The following KAZN variants were observed in gnomAD, a reference collection of about 807,000 sequenced individuals.
KAZN encodes the protein kazrin, periplakin interacting protein.
In KAZN, 40 loss-of-function variants were observed where a neutral mutation model predicts 87.4. The observed-to-expected ratio is 0.46, with a 90% confidence interval of 0.36 to 0.60. The LOEUF is 0.60. Among genes scored for constraint, KAZN ranks in the 20% least tolerant of loss-of-function variants. The pLI, the probability that KAZN is intolerant of heterozygous loss-of-function variation, is 0.00. For missense variants in KAZN, 898 were observed against 1,073.9 expected (o/e 0.84, Z 2.29); for synonymous variants, 466 against 458.3 (o/e 1.02, Z -0.22).
intron 2 of KAZN, among the ~76,000 whole-genome samples, chr1:14,518,320 A>G (rs541545055): frequency 6.6e-6 from 1 of 151,686 alleles, no homozygotes; most frequent in South Asian, 2.1e-4. Flanking sequence ...GGGACTACAA[A>G]TGCGCACCAC....
At chr1:14,416,453 G>A (rs566289048) in intron 2 of KAZN, among the ~76,000 whole-genome samples, 296 of 152,174 alleles carry the variant, frequency 1.9e-3, no homozygotes, top group Non-Finnish European at 2.6e-3. Flanking sequence ...AAATGAGTTG[G>A]TGGCTGGATG....
chr1:14,193,308 A>C (rs1232225999), intron 2 of KAZN, among the ~76,000 whole-genome samples: 2 of 152,138 alleles, frequency 1.3e-5, no homozygotes, highest in African/African-American at 2.4e-5. Flanking sequence ...TGTCTTTATA[A>C]AAAGGGGAAA....
chr1:14,994,725 T>G (rs1193762593), intron 2 of KAZN, among the ~76,000 whole-genome samples: 1 of 152,230 alleles, frequency 6.6e-6, no homozygotes, highest in African/African-American at 2.4e-5. Flanking sequence ...ATCCTGACTT[T>G]GGTGTGTAGC....
chr1:15,050,159 G>GAAATA (rs201481507), intron 4 of KAZN, among the ~76,000 whole-genome samples: 1 of 131,238 alleles, frequency 7.6e-6, no homozygotes, highest in African/African-American at 2.9e-5. Flanking sequence ...AGAATAGAAT[G>GAAATA]GAATAGAATA....
intron 1 of KAZN, among the ~76,000 whole-genome samples, chr1:14,606,777 CT>C (rs1210988067): frequency 1.3e-5 from 2 of 152,086 alleles, no homozygotes; most frequent in Admixed American, 1.3e-4. Context: ...GGGGGCTGTC[CT>C]GTGTGTTGTA....
At chr1:14,347,695 C>T (rs925273445) in intron 2 of KAZN, among the ~76,000 whole-genome samples, 1 of 151,868 alleles carries the variant, frequency 6.6e-6, no homozygotes, top group Non-Finnish European at 1.5e-5. Context: ...ATTATATATA[C>T]ATTATATGTT....
chr1:14,058,320 C>T (rs554690319), intron 1 of KAZN, among the ~76,000 whole-genome samples: 19 of 152,186 alleles, frequency 1.2e-4, no homozygotes, highest in African/African-American at 3.1e-4. Flanking sequence ...TCTGCTTCAC[C>T]GCTGAATCTA....
chr1:14,642,714 A>G (rs917821831), intron 1 of KAZN, among the ~76,000 whole-genome samples: 1 of 152,228 alleles, frequency 6.6e-6, no homozygotes, highest in African/African-American at 2.4e-5. Context: ...AGACAAAGAA[A>G]CGATAAATAT....
At chr1:14,759,956 A>G (rs543557532) in intron 1 of KAZN, among the ~76,000 whole-genome samples, 13 of 151,910 alleles carry the variant, frequency 8.6e-5, no homozygotes, top group Admixed American at 2.0e-4. Flanking sequence ...CGAGAACTTA[A>G]GTACCTGGGA....
chr1:14,967,625 AAG>A (rs1218693693), intron 2 of KAZN, among the ~76,000 whole-genome samples: 22 of 152,216 alleles, frequency 1.4e-4, no homozygotes, highest in African/African-American at 5.3e-4. Flanking sequence ...GGGGAGGCAC[AAG>A]AGAGAGTCAG....
intron 1 of KAZN, among the ~76,000 whole-genome samples, chr1:14,111,471 T>C (rs912506959): frequency 2.2e-5 from 3 of 135,322 alleles, no homozygotes; most frequent in Non-Finnish European, 4.8e-5. Flanking sequence ...GTGCACTGAG[T>C]ACTAACGTCA....
At chr1:14,302,065 G>T (rs1315027593) in intron 2 of KAZN, among the ~76,000 whole-genome samples, 1 of 152,174 alleles carries the variant, frequency 6.6e-6, no homozygotes, top group Non-Finnish European at 1.5e-5. Flanking sequence ...TTGGATACAT[G>T]ATGGGTACCT....
intron 1 of KAZN, among the ~76,000 whole-genome samples, chr1:14,918,058 T>C (rs1557618970): frequency 6.6e-6 from 1 of 152,008 alleles, no homozygotes; most frequent in Non-Finnish European, 1.5e-5. Flanking sequence ...TTTGTATTTT[T>C]AGTAGAGATG....
At chr1:14,243,711 T>C (rs1179841967) in intron 2 of KAZN, among the ~76,000 whole-genome samples, 1 of 152,224 alleles carries the variant, frequency 6.6e-6, no homozygotes, top group Non-Finnish European at 1.5e-5. Context: ...TGAAACAGTT[T>C]GCAAGCTGTT....
intron 2 of KAZN, among the ~76,000 whole-genome samples, chr1:14,295,396 T>C (rs1258629368): frequency 6.6e-6 from 1 of 152,078 alleles, no homozygotes; most frequent in Non-Finnish European, 1.5e-5. Context: ...AGCTTCTCCC[T>C]CTCATGCACA....
rs1002692788 is a variant in KAZN at position 15,106,413 on chromosome 1, C to CT, written c.2048+2230dup. On this transcript the variant is annotated intron_variant, in intron 13 of 14. Coordinates refer to ENST00000376030, the MANE Select transcript of KAZN (RefSeq NM_201628.3). ...CTGGAGCCACATGATCTGTAACAAA[C>CT]TTTTTTCTGAGCCCTGGAGAGATGG... Among the ~76,000 whole-genome samples the CT allele has an allele frequency of 7.9e-5, 12 of 152,270 alleles. 1 individual carries two copies. Among genetic ancestry groups the CT allele is most frequent in the Admixed American group, 5.9e-4 (9 of 15,296 alleles).
At chr1:14,784,727 C>T (rs1461061573) in intron 1 of KAZN, among the ~76,000 whole-genome samples, 1 of 152,188 alleles carries the variant, frequency 6.6e-6, no homozygotes, top group African/African-American at 2.4e-5. Flanking sequence ...CCACTGCACT[C>T]CGGCCTGGGC....
chr1:14,067,585 C>CCA (rs1643058577), intron 1 of KAZN, among the ~76,000 whole-genome samples: 1 of 152,182 alleles, frequency 6.6e-6, no homozygotes, highest in South Asian at 2.1e-4. Context: ...TCATGCTGCT[C>CCA]TGTAAACGCT....
chr1:14,533,278 G>T (rs1672311751), intron 2 of KAZN, among the ~76,000 whole-genome samples: 1 of 152,188 alleles, frequency 6.6e-6, no homozygotes, highest in Non-Finnish European at 1.5e-5. Flanking sequence ...TAGACATAGA[G>T]TAGTGGGGGG....
Sources: allele counts gnomAD v4.1 joint callset (sites outside exome capture counted in the v4.1 genomes callset), GRCh38; gene constraint gnomAD v4.1.1; transcripts MANE v1.5; gene names NCBI Gene and HGNC (gene_info 2026-07-23, HGNC 2026-07-21).